The following NANOS3 variants were observed in gnomAD, a reference collection of about 807,000 sequenced individuals.
The protein encoded by NANOS3 is nanos homolog 3.
A neutral mutation model predicts 13.8 loss-of-function variants in NANOS3; 11 were observed. The observed-to-expected ratio is 0.80, with a 90% confidence interval of 0.50 to 1.32. The LOEUF is 1.32. NANOS3 is among the 40% of genes most tolerant of loss of function. The pLI is 0.00. For synonymous variants in NANOS3, 119 were observed against 115.4 expected (o/e 1.03, Z -0.20); for missense variants, 221 against 263.8 (o/e 0.84, Z 1.12).
upstream of NANOS3, among the ~76,000 whole-genome samples, chr19:13,862,611 T>A (rs2145058886): frequency 6.6e-6 from 1 of 152,134 alleles, no homozygotes; most frequent in African/African-American, 2.4e-5. Flanking sequence ...CAATCTCGGC[T>A]CACTGCAACC....
upstream of NANOS3, among the ~76,000 whole-genome samples, chr19:13,875,876 G>A (rs932287082): frequency 2.6e-5 from 4 of 152,126 alleles, no homozygotes; most frequent in East Asian, 3.9e-4. Context: ...CTGTGTAAGC[G>A]GCACAGCGTC....
chr19:13,875,881 A>T (rs1968499613), upstream of NANOS3, among the ~76,000 whole-genome samples: 1 of 152,174 alleles, frequency 6.6e-6, no homozygotes, highest in African/African-American at 2.4e-5. Flanking sequence ...TAAGCGGCAC[A>T]GCGTCTCTCC....
intron 1 of NANOS3, among the ~76,000 whole-genome samples, chr19:13,880,037 A>C (rs1164059977): frequency 6.6e-6 from 1 of 152,184 alleles, no homozygotes; most frequent in Admixed American, 6.5e-5. Context: ...CAAAAAAAAG[A>C]AAGCATGAAA....
At chr19:13,876,540 C>T (rs193279595), upstream of NANOS3, among the ~76,000 whole-genome samples, 6 of 152,170 alleles carry the variant, frequency 3.9e-5, no homozygotes, top group African/African-American at 1.4e-4. Context: ...GGGGGTTCCA[C>T]TAAGACAACC....
At chr19:13,871,066 CAGG>C (rs1268027156) in intron 1 of NANOS3, among the ~76,000 whole-genome samples, 3 of 151,994 alleles carry the variant, frequency 2.0e-5, no homozygotes, top group Non-Finnish European at 2.9e-5. Context: ...GGGTCACAAG[CAGG>C]AGGAGACAGC....
intron 1 of NANOS3, among the ~76,000 whole-genome samples, chr19:13,865,816 A>T (rs1360650151): frequency 7.8e-6 from 1 of 128,824 alleles, no homozygotes; most frequent in Non-Finnish European, 1.6e-5. Context: ...ACCGCCCGAC[A>T]CCTGACCGCG....
upstream of NANOS3, among the ~76,000 whole-genome samples, chr19:13,873,911 G>GAT (rs1261421025): frequency 6.6e-6 from 1 of 151,346 alleles, no homozygotes; most frequent in African/African-American, 2.4e-5. Context: ...CACCCGGGGC[G>GAT]GGGGGGTGGT....
upstream of NANOS3, among the ~76,000 whole-genome samples, chr19:13,863,764 G>T (rs1976190983): frequency 6.6e-6 from 1 of 152,162 alleles, no homozygotes; most frequent in East Asian, 1.9e-4. Context: ...GGGGTCGGGG[G>T]AGTGGTCCTG....
At chr19:13,878,783 T>C (rs1173636975) in intron 1 of NANOS3, among the ~76,000 whole-genome samples, 1 of 149,766 alleles carries the variant, frequency 6.7e-6, no homozygotes, top group Non-Finnish European at 1.5e-5. Context: ...CCTGGTGTGT[T>C]TTTTTTTTCC....
At chr19:13,872,799 CGA>C (rs1287096675), upstream of NANOS3, among the ~76,000 whole-genome samples, 3 of 152,050 alleles carry the variant, frequency 2.0e-5, no homozygotes, top group African/African-American at 7.2e-5. Context: ...GGATGAGCTG[CGA>C]GAGAGGGCGC....
At chr19:13,871,168 G>C (rs1976322249) in intron 1 of NANOS3, among the ~76,000 whole-genome samples, 1 of 152,060 alleles carries the variant, frequency 6.6e-6, no homozygotes, top group African/African-American at 2.4e-5. Context: ...ACTCCCTCAG[G>C]GGACAGGAGG....
At chr19:13,866,360 T>G (rs1381416845) in intron 1 of NANOS3, among the ~76,000 whole-genome samples, 1 of 151,286 alleles carries the variant, frequency 6.6e-6, no homozygotes, top group African/African-American at 2.4e-5. Flanking sequence ...CCCCCATCTC[T>G]TTCCCTACCC....
chr19:13,868,584 G>A (rs1445796168), intron 1 of NANOS3, among the ~76,000 whole-genome samples: 1 of 151,800 alleles, frequency 6.6e-6, no homozygotes, highest in Non-Finnish European at 1.5e-5. Flanking sequence ...GGGAGGCTGA[G>A]GCGGGAGGAT....
At chr19:13,869,096 A>T (rs1976285705) in intron 1 of NANOS3, among the ~76,000 whole-genome samples, 1 of 152,144 alleles carries the variant, frequency 6.6e-6, no homozygotes, top group Admixed American at 6.6e-5. Context: ...CTTGAGACGG[A>T]GCCCACCCTG....
chr19:13,875,497 T>C (rs1341948996), upstream of NANOS3, among the ~76,000 whole-genome samples: 1 of 151,988 alleles, frequency 6.6e-6, no homozygotes, highest in Non-Finnish European at 1.5e-5. Flanking sequence ...TAAAACCCCT[T>C]TCTGAAATGT....
At chr19:13,866,664 C>T (rs1034135707) in intron 1 of NANOS3, among the ~76,000 whole-genome samples, 1 of 152,200 alleles carries the variant, frequency 6.6e-6, no homozygotes, top group Non-Finnish European at 1.5e-5. Context: ...CACAGCCTTT[C>T]GCATAACACT....
In NANOS3 at chr19:13,880,632, G is replaced by C. The variant is rs903570458; in HGVS notation, c.*129G>C. 1.3e-6 allele frequency: 1 copy of C among 773,208 alleles called. No individual in the cohort carries two copies. The highest frequency in any genetic ancestry group is 1.7e-5 in the African/African-American group (1 of 57,862). 47.9% of individuals were successfully genotyped at this position (773,208 alleles called of 1,614,324 possible). ...GGATTGAGCCCTGGGGATGACCCGG[G>C]GTTGGCAAGGGAAGAGCTGAAATCG... On this transcript the variant is annotated 3_prime_UTR_variant, in exon 2 of 2. Transcript: ENST00000339133.
chr19:13,864,300 C>T (rs570265418), upstream of NANOS3, among the ~76,000 whole-genome samples: 238 of 152,228 alleles, frequency 1.6e-3, 1 homozygote, highest in African/African-American at 5.2e-3. Flanking sequence ...TGCATGTGGT[C>T]TGTGCACCTG....
chr19:13,862,114 C>G (rs375073161), upstream of NANOS3: 1 of 152,390 alleles, frequency 6.6e-6, no homozygotes, highest in Non-Finnish European at 1.5e-5. Flanking sequence ...CCTGGTCTGA[C>G]CCAGTTCAGG....
Sources: gnomAD v4.1 joint callset for allele counts (sites outside exome capture counted in the v4.1 genomes callset) on GRCh38, gnomAD v4.1.1 for gene constraint, MANE v1.5 for transcripts, NCBI Gene and HGNC (gene_info 2026-07-23, HGNC 2026-07-21) for gene names.